Variants in ZBTB20 observed in about 807,000 individuals in gnomAD.
ZBTB20 encodes the protein zinc finger and BTB domain containing 20, also known as zinc finger and BTB domain-containing protein 20.
ZBTB20 carries 9 observed loss-of-function variants against 56.9 expected under a neutral mutation model. The observed-to-expected ratio is 0.16, with a 90% CI of 0.10 to 0.28. The LOEUF (loss-of-function observed/expected upper bound fraction) is 0.28, where lower values mean the gene tolerates loss of function less well. Among genes scored for constraint, ZBTB20 ranks in the 10% least tolerant of loss-of-function variants. The pLI, the probability that ZBTB20 is intolerant of heterozygous loss-of-function variation, is 1.00. For missense variants in ZBTB20, 655 were observed against 1,003.0 expected, an observed-to-expected ratio of 0.65 and a Z score of 4.69; for synonymous variants, 417 against 420.7, an observed-to-expected ratio of 0.99 and a Z score of 0.11.
At chr3:114,436,831 C>T (rs1283785594) in intron 7 of ZBTB20, among the ~76,000 whole-genome samples, 1 of 152,064 alleles carries the variant, frequency 6.6e-6, no homozygotes, top group Non-Finnish European at 1.5e-5. Flanking sequence ...GGTGATTGAG[C>T]CAGACTTCAA....
intron 6 of ZBTB20, among the ~76,000 whole-genome samples, chr3:114,626,630 C>CT (rs1163829871): frequency 6.6e-6 from 1 of 152,098 alleles, no homozygotes; most frequent in East Asian, 1.9e-4. Context: ...TACTTGAAGA[C>CT]ACAGGATGTT....
In ZBTB20 at chr3:115,049,897, A is replaced by G. The variant is rs543509092; in HGVS notation, c.-507+21322T>C. 1.4e-4 allele frequency among the ~76,000 whole-genome samples: 22 copies of G among 152,280 alleles called. No individual in the cohort carries two copies. The South Asian group carries it at 4.6e-3, about 32-fold the overall frequency. ...AAATAGAGGCAAAATAAAATGTAAT[A>G]CAAGTTTAGTTTTTATTTCTGGAAT... On this transcript the variant is annotated intron_variant, in intron 2 of 11. Coordinates refer to ENST00000675478, the MANE Select transcript of ZBTB20 (RefSeq NM_001348800.3).
At chr3:114,762,593 C>G (rs2068515052) in intron 5 of ZBTB20, among the ~76,000 whole-genome samples, 1 of 152,136 alleles carries the variant, frequency 6.6e-6, no homozygotes, top group South Asian at 2.1e-4. Flanking sequence ...AAAGGACTGC[C>G]TGGACCCTCA....
At chr3:115,021,894 AT>A (rs2080220871) in intron 2 of ZBTB20, among the ~76,000 whole-genome samples, 1 of 150,832 alleles carries the variant, frequency 6.6e-6, no homozygotes, top group Non-Finnish European at 1.5e-5. Flanking sequence ...GAATGGAGAC[AT>A]TTTGAAAGTG....
intron 4 of ZBTB20, among the ~76,000 whole-genome samples, chr3:114,878,464 G>A (rs2076276636): frequency 6.6e-6 from 1 of 151,898 alleles, no homozygotes; most frequent in Admixed American, 6.6e-5. Flanking sequence ...ATATAGGGAG[G>A]GAAATGGTAA....
chr3:114,883,720 C>G (rs1187805733), intron 4 of ZBTB20, among the ~76,000 whole-genome samples: 1 of 151,692 alleles, frequency 6.6e-6, no homozygotes, highest in Non-Finnish European at 1.5e-5. Context: ...ATTTTTAAAG[C>G]AAAAATCTCT....
At chr3:114,940,072 T>C (rs1282590810) in intron 3 of ZBTB20, among the ~76,000 whole-genome samples, 1 of 115,762 alleles carries the variant, frequency 8.6e-6, no homozygotes, top group Non-Finnish European at 1.6e-5. Context: ...TATGTAAGTA[T>C]GTGTTCACTA....
chr3:114,401,083 G>GACACACACACACAC (rs201829025), intron 7 of ZBTB20, among the ~76,000 whole-genome samples: 19,697 of 132,798 alleles, frequency 0.15, 1,802 homozygotes, highest in Middle Eastern at 0.17. Flanking sequence ...CTACCTCCCA[G>GACACACACACACAC]ACACACACAC....
At chr3:115,103,251 T>A (rs1172590046) in intron 1 of ZBTB20, among the ~76,000 whole-genome samples, 2 of 152,198 alleles carry the variant, frequency 1.3e-5, no homozygotes, top group Non-Finnish European at 2.9e-5. Context: ...GATCCTAAAG[T>A]GGAAGTTAAA....
intron 6 of ZBTB20, among the ~76,000 whole-genome samples, chr3:114,573,589 A>G (rs747357219): frequency 6.6e-6 from 1 of 151,804 alleles, no homozygotes; most frequent in Non-Finnish European, 1.5e-5. Context: ...AGGAAAAAGA[A>G]AAAAGAAAAG....
intron 10 of ZBTB20, among the ~76,000 whole-genome samples, chr3:114,356,579 A>C (rs1175758086): frequency 1.3e-5 from 2 of 151,806 alleles, no homozygotes; most frequent in African/African-American, 2.4e-5. Context: ...AGGGCCAGAA[A>C]GCCCTTGAGC....
At chr3:114,705,795 C>A (rs1199314189) in intron 5 of ZBTB20, among the ~76,000 whole-genome samples, 1 of 152,174 alleles carries the variant, frequency 6.6e-6, no homozygotes, top group Non-Finnish European at 1.5e-5. Context: ...GAACCCAGCA[C>A]TGGGAGATGT....
chr3:114,749,540 G>A (rs900225960), intron 5 of ZBTB20, among the ~76,000 whole-genome samples: 6 of 146,328 alleles, frequency 4.1e-5, no homozygotes, highest in Non-Finnish European at 7.4e-5. Flanking sequence ...GCAACAGTCC[G>A]TGACTCCATC....
chr3:114,517,724 T>C (rs7641481), intron 6 of ZBTB20, among the ~76,000 whole-genome samples: 4,565 of 151,926 alleles, frequency 0.03, 198 homozygotes, highest in African/African-American at 0.099. Flanking sequence ...TACAGGCACC[T>C]GCTACCATGC....
chr3:114,748,352 T>TCTTTTCTC (rs374192570), intron 5 of ZBTB20, among the ~76,000 whole-genome samples: 3,565 of 48,616 alleles, frequency 0.073, 162 homozygotes, highest in East Asian at 0.21. Flanking sequence ...TTTCTTTCTT[T>TCTTTTCTC]TCTCTCTCTC....
At chr3:115,031,773 A>G (rs918661795) in intron 2 of ZBTB20, among the ~76,000 whole-genome samples, 1 of 151,548 alleles carries the variant, frequency 6.6e-6, no homozygotes, top group Non-Finnish European at 1.5e-5. Context: ...GAAATCATTT[A>G]GTGTCAATTG....
chr3:114,475,906 G>T (rs1417099290), intron 7 of ZBTB20, among the ~76,000 whole-genome samples: 3 of 151,890 alleles, frequency 2.0e-5, no homozygotes, highest in Non-Finnish European at 2.9e-5. Flanking sequence ...TTTTTGAGAT[G>T]GAGTCTTACT....
rs1245143143 is a variant in ZBTB20 at position 114,661,093 on chromosome 3, G to A, written c.-295+32435C>T. Among the ~76,000 whole-genome samples, 3 of 152,098 alleles carry A rather than the reference G, an allele frequency of 2.0e-5. No homozygotes were observed. In the South Asian group the frequency reaches 6.2e-4, roughly 32 times the overall value. ...CTGCAGAATACTTGGTTTGGGGCCT[G>A]GAGCTAAGTAGACTGTTCACATTGT... On this transcript the variant is annotated intron_variant, in intron 6 of 11. Coordinates refer to ENST00000675478, the MANE Select transcript of ZBTB20 (RefSeq NM_001348800.3).
chr3:115,011,695 G>A (rs1011144420), intron 2 of ZBTB20, among the ~76,000 whole-genome samples: 1 of 151,658 alleles, frequency 6.6e-6, no homozygotes. Flanking sequence ...ATGTTAATGA[G>A]CAATAAAAAA....
Sources: gnomAD v4.1 joint callset for allele counts (sites outside exome capture counted in the v4.1 genomes callset) on GRCh38, gnomAD v4.1.1 for gene constraint, MANE v1.5 for transcripts, NCBI Gene and HGNC (gene_info 2026-07-23, HGNC 2026-07-21) for gene names.